MBD5: variants seen among roughly 807,000 people sequenced by gnomAD.
MBD5 encodes methyl-CpG binding domain protein 5, also known as methyl-CpG-binding domain protein 5.
Under a neutral mutation model 117.3 loss-of-function variants are expected in MBD5, and 13 were observed. The ratio of observed to expected loss-of-function variants is 0.11; its 90% CI spans 0.07 to 0.18. The LOEUF (loss-of-function observed/expected upper bound fraction) is 0.18. MBD5 is among the 10% of genes least tolerant of loss of function. The probability of loss-of-function intolerance (pLI) is 1.00; values close to 1 mark genes in which losing one functional copy is unlikely to be tolerated. For synonymous variants in MBD5, 727 were observed against 766.4 expected, an observed-to-expected ratio of 0.95 and a Z score of 0.85; for missense variants, 1,879 against 2,093.8, an observed-to-expected ratio of 0.90 and a Z score of 2.00.
At chr2:148,421,057 A>C (rs1394382316) in intron 4 of MBD5, among the ~76,000 whole-genome samples, 1 of 152,178 alleles carries the variant, frequency 6.6e-6, no homozygotes, top group Non-Finnish European at 1.5e-5. Flanking sequence ...ATTAAGTCAC[A>C]CTTTGAATTC....
At chr2:148,081,776 T>G (rs1022540120) in intron 1 of MBD5, among the ~76,000 whole-genome samples, 1 of 152,166 alleles carries the variant, frequency 6.6e-6, no homozygotes, top group Non-Finnish European at 1.5e-5. Flanking sequence ...TCTACCTTTC[T>G]TTGTTCCTTC....
At chr2:148,408,767 A>C (rs1006978441) in intron 4 of MBD5, among the ~76,000 whole-genome samples, 1 of 152,136 alleles carries the variant, frequency 6.6e-6, no homozygotes, top group African/African-American at 2.4e-5. Flanking sequence ...GATTTAACTA[A>C]CCATGGATCA....
At chr2:148,437,747 G>A (rs1706197199) in intron 4 of MBD5, among the ~76,000 whole-genome samples, 1 of 152,044 alleles carries the variant, frequency 6.6e-6, no homozygotes, top group Non-Finnish European at 1.5e-5. Context: ...CCATATTCAT[G>A]AAGAAATAGG....
intron 4 of MBD5, among the ~76,000 whole-genome samples, chr2:148,353,948 A>G (rs1703307985): frequency 6.6e-6 from 1 of 151,726 alleles, no homozygotes. Flanking sequence ...TTTTTGTCCC[A>G]TTCGCTATAG....
chr2:148,197,378 A>G (rs1193642703), intron 2 of MBD5, among the ~76,000 whole-genome samples: 4 of 152,188 alleles, frequency 2.6e-5, no homozygotes, highest in Non-Finnish European at 5.9e-5. Context: ...ATTTTTAAAC[A>G]AACTAATGAT....
chr2:148,355,544 C>T (rs1367945164), intron 4 of MBD5, among the ~76,000 whole-genome samples: 1 of 152,124 alleles, frequency 6.6e-6, no homozygotes, highest in African/African-American at 2.4e-5. Context: ...GGGATCCTTT[C>T]CCCATTGCTT....
intron 4 of MBD5, among the ~76,000 whole-genome samples, chr2:148,429,761 C>G (rs1039437760): frequency 6.6e-6 from 1 of 152,116 alleles, no homozygotes; most frequent in Non-Finnish European, 1.5e-5. Context: ...AAACCAAACA[C>G]CATATGTTCT....
At chr2:148,053,755 A>T (rs1389159080) in intron 1 of MBD5, among the ~76,000 whole-genome samples, 1 of 152,082 alleles carries the variant, frequency 6.6e-6, no homozygotes, top group Non-Finnish European at 1.5e-5. Context: ...GAAGCATTCT[A>T]TTTAAATGTA....
At chr2:148,502,394 C>T (rs780611583) in intron 11 of MBD5, 42 bp from the exon 12 acceptor site, 1 of 1,576,882 alleles carries the variant, frequency 6.3e-7, no homozygotes, top group Non-Finnish European at 8.7e-7. Context: ...TTAACAATTA[C>T]AGGTCTGGGT....
chr2:148,490,873 G>C (rs1681503050), intron 11 of MBD5: 1 of 454,446 alleles, frequency 2.2e-6, no homozygotes. Context: ...AGTCAACTCT[G>C]CCTTCCCTCT....
At chr2:148,129,487 C>T (rs1175078253) in intron 1 of MBD5, among the ~76,000 whole-genome samples, 1 of 152,002 alleles carries the variant, frequency 6.6e-6, no homozygotes, top group Non-Finnish European at 1.5e-5. Flanking sequence ...CAGAGTGAGA[C>T]TCCTTATCAA....
intron 7 of MBD5, among the ~76,000 whole-genome samples, chr2:148,465,115 C>T (rs1232284717): frequency 6.6e-6 from 1 of 151,994 alleles, no homozygotes; most frequent in African/African-American, 2.4e-5. Context: ...GAGTCTAGGC[C>T]AACTTTGCAC....
intron 6 of MBD5, among the ~76,000 whole-genome samples, chr2:148,463,170 A>G (rs1707147753): frequency 6.6e-6 from 1 of 152,188 alleles, no homozygotes; most frequent in South Asian, 2.1e-4. Context: ...TTTGCTATAG[A>G]AATAGGTCAT....
intron 3 of MBD5, among the ~76,000 whole-genome samples, chr2:148,268,270 T>A (rs556349682): frequency 6.6e-6 from 1 of 152,176 alleles, no homozygotes; most frequent in Admixed American, 6.6e-5. Context: ...TTGTATAGCC[T>A]GGTCTCCCTA....
intron 4 of MBD5, among the ~76,000 whole-genome samples, chr2:148,355,560 T>C (rs188913332): frequency 5.8e-4 from 88 of 152,326 alleles, no homozygotes; most frequent in Non-Finnish European, 9.1e-4. Flanking sequence ...TGCTTGTTTT[T>C]GCCAGTTTTG....
chr2:148,065,308 T>C (rs1187892681), intron 1 of MBD5, among the ~76,000 whole-genome samples: 1 of 152,210 alleles, frequency 6.6e-6, no homozygotes, highest in East Asian at 1.9e-4. Flanking sequence ...TTTTCCAGCG[T>C]TGTTAAGGTA....
chr2:148,340,640 T>C (rs961937945), intron 3 of MBD5, among the ~76,000 whole-genome samples: 1 of 152,134 alleles, frequency 6.6e-6, no homozygotes, highest in Non-Finnish European at 1.5e-5. Context: ...AAGTTTCTAA[T>C]GATTGAGGGA....
At chr2:148,117,422 C>G (rs1696667252) in intron 1 of MBD5, among the ~76,000 whole-genome samples, 1 of 151,948 alleles carries the variant, frequency 6.6e-6, no homozygotes, top group Non-Finnish European at 1.5e-5. Context: ...ATAGAACTTA[C>G]AATATTTAGA....
At chr2:148,093,622 G>C (rs907088624) in intron 1 of MBD5, among the ~76,000 whole-genome samples, 1 of 152,088 alleles carries the variant, frequency 6.6e-6, no homozygotes, top group Non-Finnish European at 1.5e-5. Context: ...TTTAAATGCA[G>C]CAACATCTAT....
Sources: gnomAD v4.1 joint callset for allele counts (sites outside exome capture counted in the v4.1 genomes callset) on GRCh38, gnomAD v4.1.1 for gene constraint, MANE v1.5 for transcripts, NCBI Gene and HGNC (gene_info 2026-07-23, HGNC 2026-07-21) for gene names.